N4BP2: variants seen among roughly 807,000 people sequenced by gnomAD.
N4BP2 encodes NEDD4-binding protein 2.
A neutral mutation model predicts 152.8 loss-of-function variants in N4BP2; 91 were observed. The ratio of observed to expected loss-of-function variants is 0.60; its 90% CI spans 0.50 to 0.71. The LOEUF (loss-of-function observed/expected upper bound fraction) is 0.71. Among genes scored for constraint, N4BP2 ranks in the 30% least tolerant of loss-of-function variants. The pLI, the probability that N4BP2 is intolerant of heterozygous loss-of-function variation, is 0.00. For synonymous variants in N4BP2, 646 were observed against 705.3 expected (o/e 0.92, Z 1.33); for missense variants, 1,923 against 2,059.1 (o/e 0.93, Z 1.28).
intron 14 of N4BP2, among the ~76,000 whole-genome samples, chr4:40,139,491 C>CTTTTT (rs1226118008): frequency 3.2e-5 from 4 of 125,794 alleles, no homozygotes; most frequent in Admixed American, 8.1e-5. Flanking sequence ...CAGCATTAGG[C>CTTTTT]TTTTTTTTTT....
the N4BP2 span, among the ~76,000 whole-genome samples, chr4:40,177,421 G>C: frequency 6.6e-6 from 1 of 152,136 alleles, no homozygotes; most frequent in East Asian, 1.9e-4. Flanking sequence ...TTCGAGATTA[G>C]CTTGGCCAAC....
At chr4:40,099,670 G>A (rs1715438040) in intron 3 of N4BP2, among the ~76,000 whole-genome samples, 1 of 151,696 alleles carries the variant, frequency 6.6e-6, no homozygotes, top group Admixed American at 6.6e-5. Context: ...TGTGTAAATT[G>A]TTCATTCATT....
chr4:40,087,276 AT>A (rs1024626636), intron 2 of N4BP2, among the ~76,000 whole-genome samples: 5 of 150,156 alleles, frequency 3.3e-5, no homozygotes, highest in African/African-American at 9.8e-5. Flanking sequence ...TAAAAAAAAA[AT>A]TTTTTTTAAA....
chr4:40,184,611 C>T, the N4BP2 span, among the ~76,000 whole-genome samples: 125 of 152,208 alleles, frequency 8.2e-4, 4 homozygotes, highest in South Asian at 0.021. Flanking sequence ...CTATTACTAT[C>T]GGGTCTAATT....
rs1721569582 is a variant in N4BP2, at chr4:40,155,968, ATAAT to A, written c.*1733_*1736del. The A allele has an allele frequency of 6.6e-6, 1 of 152,214 alleles. No homozygotes were observed. Among genetic ancestry groups the A allele is most frequent in the South Asian group, 2.1e-4 (1 of 4,830 alleles). 9.4% of individuals were successfully genotyped at this position (152,214 alleles called of 1,614,324 possible). ...AGTATTATTCACACTTATGTTTGTA[ATAAT>A]TTATTTAAAGAATGCCAACAGTTTA... On this transcript the variant is annotated 3_prime_UTR_variant, in exon 18 of 18. Transcript: ENST00000261435.
At chr4:40,070,475 G>T (rs574946840) in intron 1 of N4BP2, among the ~76,000 whole-genome samples, 1 of 152,060 alleles carries the variant, frequency 6.6e-6, no homozygotes, top group African/African-American at 2.4e-5. Flanking sequence ...TTGAGACAGG[G>T]TCTTGCTCTG....
Position 40,100,290 on chromosome 4 carries a change from T to A in N4BP2, c.230-1785T>A, listed in dbSNP as rs1715514010. On this transcript the variant is annotated intron_variant, in intron 3 of 17. Coordinates refer to ENST00000261435, the MANE Select transcript of N4BP2 (RefSeq NM_018177.6). Reference sequence around the variant, plus strand: ...GCTGTGCTGTTTCCAGACTTATCTTTCTTAAAACAGCAAGACAAAACACAA... The same window carrying A: ...GCTGTGCTGTTTCCAGACTTATCTTACTTAAAACAGCAAGACAAAACACAA... Among the ~76,000 whole-genome samples, 2 of 152,132 alleles carry A rather than the reference T, an allele frequency of 1.3e-5. 1 individual carries two copies. The highest frequency in any genetic ancestry group is 4.1e-4 in the South Asian group (2 of 4,828).
chr4:40,108,682 A>G (rs984939762), intron 5 of N4BP2, among the ~76,000 whole-genome samples: 2 of 152,196 alleles, frequency 1.3e-5, no homozygotes, highest in African/African-American at 4.8e-5. Context: ...CTGTGGGGAC[A>G]TCATAGGTAA....
In N4BP2 at chr4:40,105,100, C is replaced by T. The variant is rs576939225; in HGVS notation, c.1374-1800C>T. On this transcript the variant is annotated intron_variant, in intron 4 of 17. Coordinates refer to ENST00000261435, the MANE Select transcript of N4BP2 (RefSeq NM_018177.6). ...TACAGGCGTGAGCCACCACGCCCAA[C>T]AATCCTGCGTTGTCTTGAAGAGAAT... 4.6e-5 allele frequency among the ~76,000 whole-genome samples: 7 copies of T among 152,190 alleles called. No individual in the cohort carries two copies. In the South Asian group the frequency reaches 1.5e-3, roughly 32 times the overall value.
chr4:40,065,826 G>T (rs1414407790), intron 1 of N4BP2, among the ~76,000 whole-genome samples: 2 of 152,050 alleles, frequency 1.3e-5, no homozygotes, highest in East Asian at 1.9e-4. Context: ...GAGGTAAGAA[G>T]TGGTTGACCG....
chr4:40,164,642 C>T, the N4BP2 span, among the ~76,000 whole-genome samples: 1 of 152,180 alleles, frequency 6.6e-6, no homozygotes, highest in African/African-American at 2.4e-5. Flanking sequence ...TTTGTCAAGA[C>T]TGGAGAGACG....
At chr4:40,146,164 A>AAAATAAAT (rs554299570) in intron 16 of N4BP2, among the ~76,000 whole-genome samples, 6 of 151,760 alleles carry the variant, frequency 4.0e-5, no homozygotes, top group East Asian at 3.8e-4. Flanking sequence ...CTCTTTCTCA[A>AAAATAAAT]AAATAAATAA....
chr4:40,110,992 A>G (rs793996), intron 5 of N4BP2, among the ~76,000 whole-genome samples: 16,948 of 152,170 alleles, frequency 0.11, 965 homozygotes, highest in African/African-American at 0.14. Context: ...CTTTGGAAGA[A>G]AGGTAAGAAA....
chr4:40,172,971 G>C, the N4BP2 span, among the ~76,000 whole-genome samples: 3 of 152,012 alleles, frequency 2.0e-5, no homozygotes, highest in Admixed American at 2.0e-4. Flanking sequence ...AGTATTCCCT[G>C]TAAGTATCTT....
intron 1 of N4BP2, among the ~76,000 whole-genome samples, chr4:40,059,025 T>G (rs1408485732): frequency 6.6e-6 from 1 of 152,154 alleles, no homozygotes; most frequent in East Asian, 1.9e-4. Flanking sequence ...TTCGCCATGT[T>G]GCCCAGGCTG....
At chr4:40,170,388 G>A in the N4BP2 span, among the ~76,000 whole-genome samples, 9 of 151,886 alleles carry the variant, frequency 5.9e-5, no homozygotes, top group Non-Finnish European at 8.8e-5. Context: ...GGAGACTGAC[G>A]CAGGCAGATC....
chr4:40,115,700 A>C (rs1308499795), intron 7 of N4BP2, among the ~76,000 whole-genome samples: 1 of 152,218 alleles, frequency 6.6e-6, no homozygotes, highest in Non-Finnish European at 1.5e-5. Flanking sequence ...TTTTCAACTT[A>C]ACTACAGTAG....
chr4:40,141,227 C>G (rs1449150224), intron 14 of N4BP2, among the ~76,000 whole-genome samples: 1 of 150,900 alleles, frequency 6.6e-6, no homozygotes, highest in Non-Finnish European at 1.5e-5. Flanking sequence ...GGCTGACCCC[C>G]CCACCTCCCT....
At chr4:40,087,810 G>A (rs75359059) in intron 2 of N4BP2, among the ~76,000 whole-genome samples, 9,869 of 151,736 alleles carry the variant, frequency 0.065, 396 homozygotes, top group Non-Finnish European at 0.085. Context: ...TGAATGGCTC[G>A]ATCTCGGCTT....
Sources: gnomAD v4.1 joint callset for allele counts (sites outside exome capture counted in the v4.1 genomes callset) on GRCh38, gnomAD v4.1.1 for gene constraint, MANE v1.5 for transcripts, NCBI Gene and HGNC (gene_info 2026-07-23, HGNC 2026-07-21) for gene names.